Variants in ADGRD1 observed in about 807,000 individuals in gnomAD.
ADGRD1 encodes the protein G-protein coupled receptor 133.
In ADGRD1, 77 loss-of-function variants were observed where a neutral mutation model predicts 113.4. The ratio of observed to expected loss-of-function variants is 0.68; its 90% CI spans 0.57 to 0.82. The LOEUF is 0.82. ADGRD1 is among the 40% of genes least tolerant of loss of function. The pLI is 0.00. For synonymous variants in ADGRD1, 474 were observed against 475.0 expected (o/e 1.00, Z 0.03); for missense variants, 1,036 against 1,139.1 (o/e 0.91, Z 1.30).
At chr12:131,046,040 C>T (rs74727533) in intron 13 of ADGRD1, among the ~76,000 whole-genome samples, 8,681 of 150,234 alleles carry the variant, frequency 0.058, 325 homozygotes, top group Non-Finnish European at 0.078. Flanking sequence ...AGTGTCCTCC[C>T]TGGTCAGCAC....
intron 2 of ADGRD1, chr12:130,956,279 AG>A (rs1269545580): frequency 2.0e-5 from 3 of 152,226 alleles, no homozygotes; most frequent in Admixed American, 6.5e-5. Flanking sequence ...GCCCCATGCC[AG>A]GATGTTCCAG....
chr12:131,050,158 T>G lies in ADGRD1; in HGVS notation c.1474-26643T>G, dbSNP rs1173964600. ...CTGGGCCAGCACAAACCTCATCGCC[T>G]CTTGGTGGCCTGTTACATAACACAT... is the stretch of plus-strand genomic sequence containing the variant. On this transcript the variant is annotated intron_variant, in intron 13 of 24. Coordinates refer to ENST00000261654, the MANE Select transcript of ADGRD1 (RefSeq NM_198827.5). The surrounding 1 kb of genome is among the most constrained non-coding windows in gnomAD (Gnocchi z 4.8). Among the ~76,000 whole-genome samples, 2 of 152,084 alleles carry G rather than the reference T, an allele frequency of 1.3e-5. No individual in the cohort carries two copies. The highest frequency in any genetic ancestry group is 4.8e-5 in the African/African-American group (2 of 41,414).
chr12:131,135,115 A>G (rs1222053201), intron 21 of ADGRD1, among the ~76,000 whole-genome samples: 3 of 152,194 alleles, frequency 2.0e-5, no homozygotes, highest in Non-Finnish European at 2.9e-5. Context: ...GTAGTTGGCC[A>G]TGATTGACAC....
intron 3 of ADGRD1, chr12:130,968,849 A>T: frequency 1.6e-6 from 1 of 626,258 alleles, no homozygotes; most frequent in Non-Finnish European, 2.8e-6. Flanking sequence ...GTCCGAAGAG[A>T]AAGTCCAGGG....
chr12:131,105,938 C>A (rs1950228054), intron 17 of ADGRD1, 73 bp downstream of exon 17: 1 of 1,090,572 alleles, frequency 9.2e-7, no homozygotes, highest in Admixed American at 2.0e-5. Flanking sequence ...GTGGCACCTT[C>A]TGCTAGCTTT....
In ADGRD1 at chr12:130,954,765, C is replaced by T. The variant is rs1334495486; in HGVS notation, c.103+105C>T. On this transcript the variant is annotated intron_variant, in intron 2 of 24. Coordinates refer to ENST00000261654, the MANE Select transcript of ADGRD1 (RefSeq NM_198827.5). The surrounding 1 kb of genome is among the most constrained non-coding windows in gnomAD (Gnocchi z 4.7). ...ATCTCTGAGGCATCAGCGAATGGCC[C>T]TTGTTGGGCTCCTGGTCCCCGACCT... The T allele has an allele frequency of 4.6e-6, 5 of 1,094,488 alleles. No homozygotes were observed. The highest frequency in any genetic ancestry group is 6.9e-6 in the Non-Finnish European group (5 of 720,116). The allele number at this position is 1,094,488 out of a possible 1,614,324, so 67.8% of individuals were successfully genotyped here.
chr12:131,076,239 G>T (rs985171649), intron 13 of ADGRD1, among the ~76,000 whole-genome samples: 21 of 152,208 alleles, frequency 1.4e-4, no homozygotes, highest in African/African-American at 5.1e-4. Context: ...TGAGACAGAA[G>T]CTCTATCCTT....
At chr12:131,046,866 T>TC (rs1566062777) in intron 13 of ADGRD1, among the ~76,000 whole-genome samples, 121 of 130,702 alleles carry the variant, frequency 9.3e-4, no homozygotes, top group Middle Eastern at 5.4e-3. Context: ...CTGGTCAGTG[T>TC]CCTCCCTGGT....
chr12:131,011,743 G>A (rs899859111), intron 12 of ADGRD1, among the ~76,000 whole-genome samples: 3 of 152,232 alleles, frequency 2.0e-5, no homozygotes, highest in East Asian at 1.9e-4. Context: ...TGCTAGCAAC[G>A]TGGTTTTTCC....
At chr12:131,120,595 T>A in intron 19 of ADGRD1, 1 of 583,346 alleles carries the variant, frequency 1.7e-6, no homozygotes. Context: ...GAAATTGAAA[T>A]CTATTCTGGA....
At position 131,041,489 on chromosome 12, in the gene ADGRD1, G is replaced by A. The variant is rs1448353674; in HGVS notation, c.1473+27149G>A. On this transcript the variant is annotated intron_variant, in intron 13 of 24. Coordinates refer to ENST00000261654, the MANE Select transcript of ADGRD1 (RefSeq NM_198827.5). This position sits in a 1 kb window ranked among gnomAD's most constrained non-coding sequence, Gnocchi z 4.4. ...GGGTATAACTAGTGACCTTGGCAGG[G>A]AGACCGAGACCGAGACCACTTTGTG... 6.6e-6 allele frequency among the ~76,000 whole-genome samples: 1 copy of A among 152,196 alleles called. No individual in the cohort carries two copies. Among genetic ancestry groups the A allele is most frequent in the Non-Finnish European group, 1.5e-5 (1 of 68,028 alleles).
Position 131,016,528 on chromosome 12 carries a change from G to T in ADGRD1, c.1473+2188G>T, listed in dbSNP as rs532454807. 8.6e-4 allele frequency among the ~76,000 whole-genome samples: 131 copies of T among 152,398 alleles called. 1 individual carries two copies. The highest frequency in any genetic ancestry group is 3.1e-3 in the African/African-American group (128 of 41,598). On this transcript the variant is annotated intron_variant, in intron 13 of 24. Coordinates refer to ENST00000261654, the MANE Select transcript of ADGRD1 (RefSeq NM_198827.5). ...ATGTTTGGAAATGTGGCTGCGACAT[G>T]CAGCAGAGACACTTGGAGCTTCTGG...
intron 12 of ADGRD1, 31 bp downstream of exon 12, chr12:131,006,078 G>A (rs769090512): frequency 1.5e-5 from 23 of 1,573,122 alleles, no homozygotes; most frequent in Middle Eastern, 3.3e-4. Flanking sequence ...GCTCAGGGGC[G>A]TGGGTGTGCG....
rs147183223 is a variant in ADGRD1 at position 130,955,627 on chromosome 12, G to A, written c.103+967G>A. On this transcript the variant is annotated intron_variant, in intron 2 of 24. Transcript: ENST00000261654. ...CCTGCTGGAAGTTGCAGGAGGTGGG[G>A]AGGAGACCCTGCTAGTGCCTGAACC... is the stretch of plus-strand genomic sequence containing the variant. Among the ~76,000 whole-genome samples, 354 of 152,296 alleles carry A rather than the reference G, an allele frequency of 2.3e-3. 2 individuals are homozygous for A. The highest frequency in any genetic ancestry group is 3.9e-3 in the Non-Finnish European group (266 of 68,026).
At chr12:131,120,203 A>T (rs1593248058) in intron 19 of ADGRD1, among the ~76,000 whole-genome samples, 1 of 152,296 alleles carries the variant, frequency 6.6e-6, no homozygotes, top group East Asian at 1.9e-4. Context: ...GTCCTTGGGA[A>T]ACAGTGTCCA....
chr12:131,101,878 G>T (rs1390666309), intron 15 of ADGRD1, among the ~76,000 whole-genome samples: 1 of 152,152 alleles, frequency 6.6e-6, no homozygotes, highest in Non-Finnish European at 1.5e-5. Context: ...ATGTCAGTGT[G>T]TCCTGTATTT....
intron 13 of ADGRD1, among the ~76,000 whole-genome samples, chr12:131,039,719 G>T (rs1351920251): frequency 2.6e-5 from 4 of 152,220 alleles, no homozygotes; most frequent in Admixed American, 6.5e-5. Context: ...AGGGTGGCTG[G>T]TCCACGCCCC....
chr12:130,997,601 C>T (rs1283873569), intron 8 of ADGRD1, among the ~76,000 whole-genome samples: 9 of 149,754 alleles, frequency 6.0e-5, no homozygotes, highest in South Asian at 4.3e-4. Flanking sequence ...ACATCTCAGA[C>T]GATGGGCGGC....
At chr12:131,032,686 A>G (rs140520999) in intron 13 of ADGRD1, among the ~76,000 whole-genome samples, 3,817 of 138,524 alleles carry the variant, frequency 0.028, 168 homozygotes, top group African/African-American at 0.11. Flanking sequence ...CAGAGATGAC[A>G]TTTATTAGAG....
Sources: allele counts gnomAD v4.1 joint callset (sites outside exome capture counted in the v4.1 genomes callset), GRCh38; gene constraint gnomAD v4.1.1; non-coding constraint Gnocchi (gnomAD v3.1); transcripts MANE v1.5; gene names NCBI Gene and HGNC (gene_info 2026-07-23, HGNC 2026-07-21).